The following SLC25A31 variants were observed in gnomAD, a reference collection of about 807,000 sequenced individuals.
SLC25A31 encodes ADP/ATP translocase 4.
SLC25A31 carries 40 observed loss-of-function variants against 36.2 expected under a neutral mutation model. The observed-to-expected ratio is 1.10, with a 90% confidence interval of 0.86 to 1.44. SLC25A31 has a LOEUF of 1.44. SLC25A31 is among the 40% of genes most tolerant of loss of function. SLC25A31 has a pLI of 0.00. For synonymous variants in SLC25A31, 143 were observed against 149.7 expected, an observed-to-expected ratio of 0.96 and a Z score of 0.32; for missense variants, 350 against 397.1, an observed-to-expected ratio of 0.88 and a Z score of 1.01.
chr4:127,773,201 A>C (rs932746376), intron 5 of SLC25A31, among the ~76,000 whole-genome samples, 185 bp from the exon 6 acceptor site: 3 of 152,200 alleles, frequency 2.0e-5, no homozygotes, highest in African/African-American at 7.2e-5. Context: ...ATGTATGGTC[A>C]GTTTTCAAGT....
chr4:127,767,227 T>TG lies in SLC25A31; in HGVS notation c.633+12dup. ...AGCTTATGACACAGTTAAGGTAATC[T>TG]GGGGGCTTTAACTTGGACATATTAA... is the stretch of plus-strand genomic sequence containing the variant. On this transcript the variant is annotated splice_region_variant and intron_variant, in intron 4 of 5. Transcript: ENST00000281154. 1 of 1,560,128 alleles carries TG rather than the reference T, an allele frequency of 6.4e-7. No individual in the cohort carries two copies. Among genetic ancestry groups the TG allele is most frequent in the South Asian group, 1.3e-5 (1 of 79,880 alleles).
intron 5 of SLC25A31, among the ~76,000 whole-genome samples, chr4:127,770,026 G>A (rs1411732787): frequency 2.6e-5 from 4 of 152,204 alleles, no homozygotes; most frequent in East Asian, 1.9e-4. Flanking sequence ...ACACTGAGGT[G>A]TAGTTCCTAT....
At chr4:127,761,324 T>G (rs774553540) in intron 2 of SLC25A31, among the ~76,000 whole-genome samples, 1 of 152,204 alleles carries the variant, frequency 6.6e-6, no homozygotes, top group Non-Finnish European at 1.5e-5. Flanking sequence ...GAAAAAAAGA[T>G]TAAGTAGAAC....
intron 1 of SLC25A31, among the ~76,000 whole-genome samples, chr4:127,741,441 G>A (rs1012917357): frequency 1.3e-5 from 2 of 152,086 alleles, no homozygotes; most frequent in African/African-American, 2.4e-5. Flanking sequence ...GATAAATTCT[G>A]TCAAATGCTT....
intron 2 of SLC25A31, among the ~76,000 whole-genome samples, chr4:127,757,990 G>A (rs1194278248): frequency 1.3e-5 from 2 of 152,296 alleles, no homozygotes; most frequent in Non-Finnish European, 2.9e-5. Flanking sequence ...ATCGTGGTGG[G>A]TGGTGAAGGG....
intron 5 of SLC25A31, among the ~76,000 whole-genome samples, chr4:127,772,663 A>C (rs1458268585): frequency 6.6e-6 from 1 of 152,130 alleles, no homozygotes; most frequent in African/African-American, 2.4e-5. Context: ...TTCCTTATAA[A>C]TTACAACTCG....
At chr4:127,744,173 T>A (rs1429680236) in intron 1 of SLC25A31, among the ~76,000 whole-genome samples, 1 of 152,226 alleles carries the variant, frequency 6.6e-6, no homozygotes, top group Admixed American at 6.5e-5. Context: ...CTTTTCTGGA[T>A]AAATTTTAAC....
chr4:127,746,910 T>C (rs1451165307), intron 2 of SLC25A31, among the ~76,000 whole-genome samples: 2 of 152,158 alleles, frequency 1.3e-5, no homozygotes, highest in Non-Finnish European at 2.9e-5. Flanking sequence ...TTTTGGGTTT[T>C]TCATTTAAGT....
intron 2 of SLC25A31, among the ~76,000 whole-genome samples, chr4:127,756,368 A>G (rs1417913272): frequency 6.6e-6 from 1 of 152,176 alleles, no homozygotes; most frequent in East Asian, 1.9e-4. Context: ...CCACTTATAT[A>G]TGGAATTTTA....
At chr4:127,768,467 ACTT>A (rs1216525884) in intron 4 of SLC25A31, among the ~76,000 whole-genome samples, 8 of 152,062 alleles carry the variant, frequency 5.3e-5, no homozygotes, top group African/African-American at 1.9e-4. Flanking sequence ...CCATGGAAGA[ACTT>A]CTTTTTTGTC....
intron 2 of SLC25A31, among the ~76,000 whole-genome samples, chr4:127,751,491 C>T (rs943068517): frequency 6.6e-6 from 1 of 152,148 alleles, no homozygotes; most frequent in Non-Finnish European, 1.5e-5. Context: ...CTAGGCAATA[C>T]CATTCTGGAC....
At chr4:127,751,710 T>C (rs1435028060) in intron 2 of SLC25A31, among the ~76,000 whole-genome samples, 1 of 151,890 alleles carries the variant, frequency 6.6e-6, no homozygotes, top group African/African-American at 2.4e-5. Flanking sequence ...TACAAAGAAC[T>C]CAAACAAATT....
At chr4:127,737,299 C>T (rs977386789) in intron 1 of SLC25A31, among the ~76,000 whole-genome samples, 4 of 152,096 alleles carry the variant, frequency 2.6e-5, no homozygotes, top group Non-Finnish European at 5.9e-5. Flanking sequence ...TAACAGTTTT[C>T]CTGTTATACT....
Position 127,748,919 on chromosome 4 carries a change from C to T in SLC25A31, c.360+4120C>T, listed in dbSNP as rs150811121. 2.8e-3 allele frequency among the ~76,000 whole-genome samples: 431 copies of T among 152,268 alleles called. 3 individuals carry two copies. Among genetic ancestry groups the T allele is most frequent in the African/African-American group, 9.7e-3 (404 of 41,546 alleles). On this transcript the variant is annotated intron_variant, in intron 2 of 5. Transcript: ENST00000281154. Reference sequence around the variant, plus strand: ...AAGGAAACTAATAATGCTCCAATAACAGACCCCAAACAAATGGAGATATAC... The same window carrying T: ...AAGGAAACTAATAATGCTCCAATAATAGACCCCAAACAAATGGAGATATAC...
intron 1 of SLC25A31, among the ~76,000 whole-genome samples, chr4:127,740,290 T>C (rs1336681590): frequency 6.6e-6 from 1 of 152,132 alleles, no homozygotes; most frequent in Admixed American, 6.5e-5. Context: ...CCTCCTCCCT[T>C]GGGGGTGTAA....
intron 2 of SLC25A31, among the ~76,000 whole-genome samples, chr4:127,747,203 A>C (rs758510655): frequency 1.3e-4 from 20 of 152,142 alleles, no homozygotes; most frequent in Non-Finnish European, 1.3e-4. Flanking sequence ...AAGTTGGGTA[A>C]CATGATACCT....
intron 2 of SLC25A31, among the ~76,000 whole-genome samples, chr4:127,746,142 C>G (rs1206479630): frequency 6.6e-6 from 1 of 152,122 alleles, no homozygotes; most frequent in Non-Finnish European, 1.5e-5. Context: ...TGATTTTGTA[C>G]TTTTTTATGG....
At chr4:127,733,132 C>G (rs2148751569) in intron 1 of SLC25A31, among the ~76,000 whole-genome samples, 1 of 152,192 alleles carries the variant, frequency 6.6e-6, no homozygotes, top group South Asian at 2.1e-4. Flanking sequence ...ACACTGATTC[C>G]AGTAATGCAG....
chr4:127,768,727 T>C, intron 4 of SLC25A31, 25 bp from the exon 5 acceptor site: 1 of 1,563,262 alleles, frequency 6.4e-7, no homozygotes, highest in Non-Finnish European at 8.6e-7. Flanking sequence ...TTTGGATAGT[T>C]ACTTGGCACA....
Sources: gnomAD v4.1 joint callset for allele counts (sites outside exome capture counted in the v4.1 genomes callset) on GRCh38, gnomAD v4.1.1 for gene constraint, MANE v1.5 for transcripts, NCBI Gene and HGNC (gene_info 2026-07-23, HGNC 2026-07-21) for gene names.